The following ADARB2 variants were observed in gnomAD, a reference collection of about 807,000 sequenced individuals.
ADARB2 encodes adenosine deaminase RNA specific B2 (inactive).
Under a neutral mutation model 62.2 loss-of-function variants are expected in ADARB2, and 25 were observed. That is an observed-to-expected ratio of 0.40 (90% CI 0.29 to 0.56). ADARB2 has a LOEUF of 0.56. Ranked by LOEUF, ADARB2 falls within the 20% of genes least tolerant of loss-of-function variation. ADARB2 has a pLI of 0.43. For synonymous variants in ADARB2, 572 were observed against 500.8 expected (o/e 1.14, Z -1.90); for missense variants, 1,071 against 1,077.4 (o/e 0.99, Z 0.08).
chr10:1,203,612 C>G (rs1837014628), intron 7 of ADARB2, among the ~76,000 whole-genome samples: 1 of 151,878 alleles, frequency 6.6e-6, no homozygotes. Context: ...CTGGCTCCCC[C>G]AAGGATTTTG....
chr10:1,542,721 C>A (rs748064917), intron 1 of ADARB2, among the ~76,000 whole-genome samples: 2 of 51,538 alleles, frequency 3.9e-5, no homozygotes, highest in Non-Finnish European at 7.6e-5. Flanking sequence ...CCGTCCAGAC[C>A]CCACTCAGAC....
chr10:1,732,948 G>A (rs1036649176), intron 1 of ADARB2, among the ~76,000 whole-genome samples: 1 of 152,174 alleles, frequency 6.6e-6, no homozygotes, highest in Non-Finnish European at 1.5e-5. Flanking sequence ...CATGAGTCAT[G>A]GCTTTACTTT....
chr10:1,725,315 C>G (rs1835149808), intron 1 of ADARB2, among the ~76,000 whole-genome samples: 2 of 152,234 alleles, frequency 1.3e-5, no homozygotes, highest in African/African-American at 2.4e-5. Flanking sequence ...GTGGCACACA[C>G]GCGGTTCTAT....
chr10:1,582,745 A>G (rs1027743349), intron 1 of ADARB2, among the ~76,000 whole-genome samples: 9 of 152,100 alleles, frequency 5.9e-5, no homozygotes, highest in African/African-American at 2.2e-4. Context: ...CTCACCCTCC[A>G]TAAATTCCCA....
chr10:1,601,877 A>C (rs1413667368), intron 1 of ADARB2, among the ~76,000 whole-genome samples: 2 of 152,248 alleles, frequency 1.3e-5, no homozygotes, highest in African/African-American at 2.4e-5. Context: ...AAAACAAAGC[A>C]AAAGCAAAAG....
chr10:1,293,208 G>GGAGGGAGAGAGGGAC (rs1831489998), intron 3 of ADARB2, among the ~76,000 whole-genome samples: 1 of 105,684 alleles, frequency 9.5e-6, no homozygotes, highest in African/African-American at 5.6e-5. Flanking sequence ...AAAAAAGAGG[G>GGAGGGAGAGAGGGAC]AGGGAGGGAG....
At chr10:1,568,770 T>G (rs1394412986) in intron 1 of ADARB2, among the ~76,000 whole-genome samples, 3 of 151,692 alleles carry the variant, frequency 2.0e-5, no homozygotes, top group Non-Finnish European at 4.4e-5. Context: ...GAATCTAAAC[T>G]TCTGTGTGCA....
intron 3 of ADARB2, among the ~76,000 whole-genome samples, chr10:1,321,471 C>T (rs577166583): frequency 2.6e-5 from 4 of 152,218 alleles, no homozygotes; most frequent in South Asian, 4.2e-4. Context: ...GCTTTGAACT[C>T]CTGGGCTCAA....
At chr10:1,208,529 T>TC (rs1188459062) in intron 7 of ADARB2, among the ~76,000 whole-genome samples, 1 of 152,156 alleles carries the variant, frequency 6.6e-6, no homozygotes, top group East Asian at 1.9e-4. Context: ...TTCTCTCACC[T>TC]CCCTGCTTCC....
intron 8 of ADARB2, among the ~76,000 whole-genome samples, chr10:1,187,268 A>G (rs1036370606): frequency 5.3e-5 from 8 of 152,224 alleles, no homozygotes; most frequent in Middle Eastern, 3.2e-3. Context: ...GGAGCCAGCC[A>G]CCAAGGCCAG....
intron 3 of ADARB2, among the ~76,000 whole-genome samples, chr10:1,319,058 G>T (rs1831771551): frequency 6.6e-6 from 1 of 152,228 alleles, no homozygotes; most frequent in Non-Finnish European, 1.5e-5. Flanking sequence ...CATGTGACCT[G>T]CTCAGATGCT....
intron 3 of ADARB2, among the ~76,000 whole-genome samples, chr10:1,329,223 G>A (rs1347078834): frequency 1.3e-5 from 2 of 152,166 alleles, no homozygotes; most frequent in African/African-American, 4.8e-5. Context: ...TGTGCCTGCT[G>A]CCAGTTGAGA....
At chr10:1,211,046 A>G (rs1040997832) in intron 7 of ADARB2, among the ~76,000 whole-genome samples, 1 of 152,004 alleles carries the variant, frequency 6.6e-6, no homozygotes, top group African/African-American at 2.4e-5. Context: ...GAGGGGTTCA[A>G]AACCCTTGTC....
intron 1 of ADARB2, among the ~76,000 whole-genome samples, chr10:1,435,484 A>G (rs527316976): frequency 6.7e-6 from 1 of 148,234 alleles, no homozygotes; most frequent in East Asian, 1.9e-4. Context: ...CCTTCTGCGC[A>G]AGGACCATTA....
intron 1 of ADARB2, among the ~76,000 whole-genome samples, chr10:1,573,445 C>T (rs1045841960): frequency 3.1e-4 from 47 of 152,118 alleles, no homozygotes; most frequent in African/African-American, 8.9e-4. Flanking sequence ...CTGGTGAGGC[C>T]GAAGTACACA....
intron 1 of ADARB2, among the ~76,000 whole-genome samples, chr10:1,433,994 G>A (rs889578709): frequency 6.6e-6 from 1 of 152,158 alleles, no homozygotes; most frequent in African/African-American, 2.4e-5. Flanking sequence ...GGTGCATATT[G>A]AACACATACT....
At chr10:1,297,247 G>A (rs574743062) in intron 3 of ADARB2, among the ~76,000 whole-genome samples, 38 of 152,196 alleles carry the variant, frequency 2.5e-4, no homozygotes, top group African/African-American at 7.0e-4. Flanking sequence ...TGTAGCCCCC[G>A]TCGGCCTTGG....
intron 3 of ADARB2, among the ~76,000 whole-genome samples, chr10:1,284,632 C>G (rs925336125): frequency 6.6e-6 from 1 of 152,158 alleles, no homozygotes; most frequent in African/African-American, 2.4e-5. Context: ...GATTTGGTAG[C>G]TCGGCCAAAG....
At chr10:1,186,244 G>A (rs944911645) in intron 8 of ADARB2, among the ~76,000 whole-genome samples, 5 of 152,262 alleles carry the variant, frequency 3.3e-5, no homozygotes, top group Non-Finnish European at 7.3e-5. Context: ...CCCATGCCCA[G>A]GGCTTCCTCA....
Sources: allele counts gnomAD v4.1 joint callset (sites outside exome capture counted in the v4.1 genomes callset), GRCh38; gene constraint gnomAD v4.1.1; transcripts MANE v1.5; gene names NCBI Gene and HGNC (gene_info 2026-07-23, HGNC 2026-07-21).